The following CSMD1 variants were observed in gnomAD, a reference collection of about 807,000 sequenced individuals.
The protein encoded by CSMD1 is CUB and Sushi multiple domains 1, also known as CUB and sushi domain-containing protein 1.
Under a neutral mutation model 417.5 loss-of-function variants are expected in CSMD1, and 213 were observed. The observed-to-expected ratio is 0.51, with a 90% CI of 0.46 to 0.57. The LOEUF is 0.57. Among genes scored for constraint, CSMD1 ranks in the 20% least tolerant of loss-of-function variants. The probability of loss-of-function intolerance (pLI) is 0.00; values close to 1 mark genes in which losing one functional copy is unlikely to be tolerated. For missense variants in CSMD1, 6,923 were observed against 4,529.7 expected (o/e 1.53, Z -15.17); for synonymous variants, 2,862 against 1,736.8 (o/e 1.65, Z -16.11).
chr8:4,768,947 G>A (rs1367670170), intron 1 of CSMD1, among the ~76,000 whole-genome samples: 1 of 152,120 alleles, frequency 6.6e-6, no homozygotes, highest in Non-Finnish European at 1.5e-5. Flanking sequence ...TTACCTAAAA[G>A]TCAGGTAAAT....
chr8:3,160,861 C>T (rs2406305), intron 38 of CSMD1, among the ~76,000 whole-genome samples: 128,633 of 152,202 alleles, frequency 0.85, 54,868 homozygotes, highest in African/African-American at 0.97. Context: ...TAGCATTCAG[C>T]GTTTGCCAGC....
rs371137695 is a variant in CSMD1 at position 4,022,477 on chromosome 8, G to T, written c.610+9428C>A. 2.0e-5 allele frequency among the ~76,000 whole-genome samples: 3 copies of T among 152,240 alleles called. No individual in the cohort carries two copies. In the East Asian group the frequency reaches 5.8e-4, roughly 29 times the overall value. ...TAAGGACATTTGCAGCCTTGCTCAG[G>T]TTTAAAGACTTCCCTCCGAAGCAAC... On this transcript the variant is annotated intron_variant, in intron 4 of 69. Transcript: ENST00000635120.
At chr8:3,513,114 A>C (rs1293525280) in intron 10 of CSMD1, among the ~76,000 whole-genome samples, 1 of 146,214 alleles carries the variant, frequency 6.8e-6, no homozygotes, top group Non-Finnish European at 1.5e-5. Context: ...GAATGCATTG[A>C]ATTATTATTA....
At chr8:3,306,696 A>G (rs1336950600) in intron 25 of CSMD1, among the ~76,000 whole-genome samples, 1 of 152,214 alleles carries the variant, frequency 6.6e-6, no homozygotes, top group African/African-American at 2.4e-5. Context: ...ATACATTTTA[A>G]AAAGGATTGG....
At chr8:3,484,779 A>G (rs977680839) in intron 11 of CSMD1, among the ~76,000 whole-genome samples, 6 of 152,236 alleles carry the variant, frequency 3.9e-5, no homozygotes, top group Non-Finnish European at 5.9e-5. Context: ...AGACTTAGAC[A>G]TTTTGCCAAA....
chr8:3,390,461 C>A (rs1241296711), intron 17 of CSMD1, among the ~76,000 whole-genome samples: 1 of 151,058 alleles, frequency 6.6e-6, no homozygotes, highest in Non-Finnish European at 1.5e-5. Flanking sequence ...CACAGGTAGC[C>A]AATTTACCTT....
chr8:3,018,959 C>T (rs1286594312), intron 51 of CSMD1, among the ~76,000 whole-genome samples: 9 of 152,134 alleles, frequency 5.9e-5, no homozygotes, highest in Non-Finnish European at 4.4e-5. Flanking sequence ...ACTCTGTTGA[C>T]CAGGTTGGAG....
chr8:4,554,937 T>C (rs1481615264), intron 2 of CSMD1, among the ~76,000 whole-genome samples: 1 of 152,180 alleles, frequency 6.6e-6, no homozygotes, highest in Admixed American at 6.5e-5. Context: ...AACGAATTCC[T>C]GTGGGATGGA....
chr8:4,498,601 T>C (rs1414600777), intron 2 of CSMD1, among the ~76,000 whole-genome samples: 1 of 152,186 alleles, frequency 6.6e-6, no homozygotes, highest in Non-Finnish European at 1.5e-5. Flanking sequence ...AAATAGTTCA[T>C]TCAAAATAGT....
intron 3 of CSMD1, among the ~76,000 whole-genome samples, chr8:4,140,032 A>G (rs1168540928): frequency 6.6e-6 from 1 of 150,950 alleles, no homozygotes; most frequent in Non-Finnish European, 1.5e-5. Context: ...TTTGCCTGGA[A>G]GGATAGAAGA....
intron 2 of CSMD1, among the ~76,000 whole-genome samples, chr8:4,443,409 T>C (rs916260847): frequency 2.0e-5 from 3 of 152,116 alleles, no homozygotes; most frequent in Admixed American, 6.6e-5. Context: ...TCCAAGAAAA[T>C]TGCAACAATC....
At chr8:3,416,985 G>A (rs993259675) in intron 12 of CSMD1, among the ~76,000 whole-genome samples, 1 of 152,190 alleles carries the variant, frequency 6.6e-6, no homozygotes, top group South Asian at 2.1e-4. Context: ...CTCAATAGAT[G>A]ACTATTGGAT....
At position 3,288,626 on chromosome 8, in the gene CSMD1, C is replaced by G. The variant is rs1336741707; in HGVS notation, c.3951-4280G>C. Among the ~76,000 whole-genome samples, 2 of 147,122 alleles carry G rather than the reference C, an allele frequency of 1.4e-5. 1 individual carries two copies. The highest frequency in any genetic ancestry group is 5.4e-5 in the African/African-American group (2 of 37,018). Reference sequence around the variant, plus strand: ...TATTCTCTGATGGTAGTTTGTATTTCTGTGGGATGGGTGGTGATATCCCTT... The same window carrying G: ...TATTCTCTGATGGTAGTTTGTATTTGTGTGGGATGGGTGGTGATATCCCTT... On this transcript the variant is annotated intron_variant, in intron 25 of 69. Transcript: ENST00000635120.
chr8:4,814,829 A>G (rs1799115282), intron 1 of CSMD1, among the ~76,000 whole-genome samples: 1 of 152,130 alleles, frequency 6.6e-6, no homozygotes, highest in African/African-American at 2.4e-5. Flanking sequence ...CCCCAAAATT[A>G]TAATACTGCG....
chr8:3,610,354 G>A (rs149725337), intron 8 of CSMD1, among the ~76,000 whole-genome samples: 111 of 152,208 alleles, frequency 7.3e-4, no homozygotes, highest in African/African-American at 2.3e-3. Context: ...GCAACACAGC[G>A]AGACCTTGTC....
At chr8:4,889,218 CA>C (rs1213880399) in intron 1 of CSMD1, among the ~76,000 whole-genome samples, 1 of 152,108 alleles carries the variant, frequency 6.6e-6, no homozygotes, top group Non-Finnish European at 1.5e-5. Flanking sequence ...AAGCTGGTAT[CA>C]GTAGGAATGA....
intron 3 of CSMD1, among the ~76,000 whole-genome samples, chr8:4,325,494 TTGTC>T (rs1325598199): frequency 6.6e-6 from 1 of 152,186 alleles, no homozygotes; most frequent in Non-Finnish European, 1.5e-5. Flanking sequence ...TGGCTGAAGT[TTGTC>T]TGCTCATTTT....
chr8:3,221,159 A>C (rs1798188412), intron 28 of CSMD1, among the ~76,000 whole-genome samples: 1 of 152,220 alleles, frequency 6.6e-6, no homozygotes, highest in Non-Finnish European at 1.5e-5. Context: ...AGGGGAACAG[A>C]GAACGTGGTA....
At chr8:4,959,737 A>G (rs556224648) in intron 1 of CSMD1, among the ~76,000 whole-genome samples, 2 of 152,336 alleles carry the variant, frequency 1.3e-5, no homozygotes, top group South Asian at 2.1e-4. Context: ...CTAATGACCA[A>G]CTTACACCAG....
Sources: gnomAD v4.1 joint callset for allele counts (sites outside exome capture counted in the v4.1 genomes callset) on GRCh38, gnomAD v4.1.1 for gene constraint, MANE v1.5 for transcripts, NCBI Gene and HGNC (gene_info 2026-07-23, HGNC 2026-07-21) for gene names.